The following CMIP variants were observed in gnomAD, a reference collection of about 807,000 sequenced individuals.
The protein encoded by CMIP is c-Maf inducing protein, also known as C-Maf-inducing protein.
CMIP carries 13 observed loss-of-function variants against 97.3 expected under a neutral mutation model. That is an observed-to-expected ratio of 0.13 (90% CI 0.09 to 0.21). The LOEUF (loss-of-function observed/expected upper bound fraction) is 0.21. Among genes scored for constraint, CMIP ranks in the 10% least tolerant of loss-of-function variants. CMIP has a pLI of 1.00. For synonymous variants in CMIP, 538 were observed against 436.3 expected (o/e 1.23, Z -2.91); for missense variants, 847 against 1,024.9 (o/e 0.83, Z 2.37).
chr16:81,580,189 C>T (rs1264480786), intron 1 of CMIP, among the ~76,000 whole-genome samples: 1 of 152,176 alleles, frequency 6.6e-6, no homozygotes, highest in Non-Finnish European at 1.5e-5. Flanking sequence ...TCCAGCTTTA[C>T]AGCAGCTGTG....
chr16:81,617,514 C>T (rs2091935226), intron 2 of CMIP: 2 of 152,328 alleles, frequency 1.3e-5, no homozygotes, highest in South Asian at 4.1e-4. Context: ...CCCTAAGACT[C>T]ATGAGCCAGG....
At chr16:81,487,367 TCAGGGCCGAG>T in intron 1 of CMIP, among the ~76,000 whole-genome samples, 1 of 152,174 alleles carries the variant, frequency 6.6e-6, no homozygotes, top group East Asian at 1.9e-4. Flanking sequence ...ACCTGGGTGG[TCAGGGCCGAG>T]TGGGGCTCTG....
At chr16:81,551,972 A>G (rs939212579) in intron 1 of CMIP, among the ~76,000 whole-genome samples, 3 of 152,180 alleles carry the variant, frequency 2.0e-5, no homozygotes, top group Admixed American at 6.5e-5. Flanking sequence ...GGCAGTGTGC[A>G]GGGGGGCCCT....
Position 81,652,532 on chromosome 16 carries a change from GA to G in CMIP, c.639+169del, listed in dbSNP as rs1274791948. On this transcript the variant is annotated intron_variant, in intron 4 of 20. Transcript: ENST00000537098. This position sits in a 1 kb window ranked among gnomAD's most constrained non-coding sequence, Gnocchi z 5.2. ...ACCCAGCCGTGTGTGGGAGTTGGGAGAGGGAGGCTTGCCCCAGCTGCTTGCA... is the reference window on the plus strand; with the variant it reads ...ACCCAGCCGTGTGTGGGAGTTGGGAGGGGAGGCTTGCCCCAGCTGCTTGCA... Among the ~76,000 whole-genome samples the G allele has an allele frequency of 6.6e-6, 1 of 152,210 alleles. No individual in the cohort carries two copies. The highest frequency in any genetic ancestry group is 2.4e-5 in the African/African-American group (1 of 41,462).
intron 1 of CMIP, among the ~76,000 whole-genome samples, chr16:81,546,680 G>T (rs1318386813): frequency 6.6e-6 from 1 of 152,202 alleles, no homozygotes; most frequent in Non-Finnish European, 1.5e-5. Flanking sequence ...GGGTGAGAAA[G>T]GAGGGTGAGA....
chr16:81,702,705 G>A, intron 17 of CMIP, 36 bp downstream of exon 17: 1 of 1,599,648 alleles, frequency 6.3e-7, no homozygotes, highest in South Asian at 1.1e-5. Flanking sequence ...GCTGGATGGA[G>A]AAGGTGGGTT....
chr16:81,649,927 C>G (rs2092407902), intron 3 of CMIP, among the ~76,000 whole-genome samples: 1 of 152,216 alleles, frequency 6.6e-6, no homozygotes, highest in Admixed American at 6.5e-5. Context: ...AGGGTTCTTG[C>G]TTCAGACATG....
intron 1 of CMIP, among the ~76,000 whole-genome samples, chr16:81,471,068 A>G (rs1042911692): frequency 2.6e-5 from 4 of 152,192 alleles, no homozygotes; most frequent in African/African-American, 4.8e-5. Context: ...CGTGCATACA[A>G]ATATACCCAC....
intron 1 of CMIP, among the ~76,000 whole-genome samples, chr16:81,539,968 G>A (rs1405753279): frequency 1.3e-5 from 2 of 152,248 alleles, no homozygotes; most frequent in Non-Finnish European, 2.9e-5. Context: ...GGGCCTGGAT[G>A]TAGCAGGGAC....
intron 1 of CMIP, among the ~76,000 whole-genome samples, chr16:81,590,469 G>A (rs2091450063): frequency 6.6e-6 from 1 of 152,192 alleles, no homozygotes; most frequent in Non-Finnish European, 1.5e-5. Flanking sequence ...ATGTCCAGCA[G>A]CCTCGCTTCC....
At chr16:81,460,425 C>A (rs1440197213) in intron 1 of CMIP, among the ~76,000 whole-genome samples, 1 of 152,166 alleles carries the variant, frequency 6.6e-6, no homozygotes, top group African/African-American at 2.4e-5. Flanking sequence ...GTGTCAGGCC[C>A]AGGGATAGAA....
chr16:81,500,272 G>GTCCGTCCTTCCTTCCT (rs1567546095), intron 1 of CMIP, among the ~76,000 whole-genome samples: 933 of 64,724 alleles, frequency 0.014, 26 homozygotes, highest in Non-Finnish European at 0.021. Context: ...CCTTCCTTCC[G>GTCCGTCCTTCCTTCCT]TCCTTCCTTC....
intron 4 of CMIP, among the ~76,000 whole-genome samples, 187 bp from the exon 5 acceptor site, chr16:81,657,588 C>T (rs143994906): frequency 6.6e-6 from 1 of 152,262 alleles, no homozygotes; most frequent in Non-Finnish European, 1.5e-5. Context: ...CAAAACCATA[C>T]CTTCTCCCCC....
At chr16:81,517,228 C>T (rs1239812636) in intron 1 of CMIP, among the ~76,000 whole-genome samples, 2 of 96,230 alleles carry the variant, frequency 2.1e-5, no homozygotes, top group African/African-American at 3.1e-5. Flanking sequence ...AAAAGCCAGA[C>T]AGCCTCCAAG....
intron 1 of CMIP, among the ~76,000 whole-genome samples, chr16:81,480,605 C>G (rs1306500975): frequency 6.6e-6 from 1 of 152,220 alleles, no homozygotes; most frequent in East Asian, 1.9e-4. Flanking sequence ...CAGCCTCCCT[C>G]TGTTGTTTTG....
Position 81,533,116 on chromosome 16 carries a change from C to T in CMIP, c.301-74451C>T, listed in dbSNP as rs975237663. ...CACCCACTCCCACAATTTTTTATTT[C>T]TCGTTCCCTGACTTACGTTTTTTTC... On this transcript the variant is annotated intron_variant, in intron 1 of 20. Transcript: ENST00000537098. 5.9e-5 allele frequency among the ~76,000 whole-genome samples: 9 copies of T among 152,338 alleles called. No individual in the cohort carries two copies. In the South Asian group the frequency reaches 1.0e-3, roughly 18 times the overall value.
chr16:81,701,853 C>T (rs907020702), intron 16 of CMIP, 53 bp downstream of exon 16: 9 of 1,604,614 alleles, frequency 5.6e-6, no homozygotes, highest in Non-Finnish European at 7.7e-6. Context: ...CCAGGGGGGG[C>T]CAGGGCGGGA....
Position 81,670,256 on chromosome 16 carries a change from G to C in CMIP, c.929+11G>C, listed in dbSNP as rs11150398. The C allele has an allele frequency of 6.2e-7, 1 of 1,600,286 alleles. No individual in the cohort carries two copies. Among genetic ancestry groups the C allele is most frequent in the Non-Finnish European group, 8.5e-7 (1 of 1,173,350 alleles). On this transcript the variant is annotated intron_variant, in intron 8 of 20. Coordinates refer to ENST00000537098, the MANE Select transcript of CMIP (RefSeq NM_198390.3). ...GAAGTTCATTCAGAGGTGGGTCTCC[G>C]GCGCGACGTCCCTCTGTGGCCTAGG...
intron 1 of CMIP, among the ~76,000 whole-genome samples, chr16:81,550,999 TCCCG>T: frequency 2.1e-5 from 3 of 140,692 alleles, no homozygotes; most frequent in East Asian, 2.1e-4. Flanking sequence ...CGCACCCCAG[TCCCG>T]TCACACGCAC....
Sources: gnomAD v4.1 joint callset for allele counts (sites outside exome capture counted in the v4.1 genomes callset) on GRCh38, gnomAD v4.1.1 for gene constraint, Gnocchi (gnomAD v3.1) non-coding constraint, MANE v1.5 for transcripts, NCBI Gene and HGNC (gene_info 2026-07-23, HGNC 2026-07-21) for gene names.